Variants in SLC44A3 observed in about 807,000 individuals in gnomAD.
SLC44A3 encodes choline transporter-like protein 3.
A neutral mutation model predicts 75.4 loss-of-function variants in SLC44A3; 74 were observed. The ratio of observed to expected loss-of-function variants is 0.98; its 90% CI spans 0.81 to 1.19. The LOEUF (loss-of-function observed/expected upper bound fraction) is 1.19. Ranked by LOEUF, SLC44A3 falls within the 50% of genes most tolerant of loss-of-function variation. The pLI is 0.00. For missense variants in SLC44A3, 700 were observed against 778.6 expected (o/e 0.90, Z 1.20); for synonymous variants, 310 against 296.9 (o/e 1.04, Z -0.45).
intron 9 of SLC44A3, among the ~76,000 whole-genome samples, chr1:94,852,219 T>A (rs1324504272): frequency 6.6e-6 from 1 of 152,164 alleles, no homozygotes. Context: ...AGTAAGTCAG[T>A]CAATGTTATA....
At chr1:94,827,994 A>C (rs1172157335) in intron 4 of SLC44A3, among the ~76,000 whole-genome samples, 1 of 152,112 alleles carries the variant, frequency 6.6e-6, no homozygotes. Flanking sequence ...ATCCGGTCCT[A>C]GAGATGTACG....
intron 9 of SLC44A3, among the ~76,000 whole-genome samples, chr1:94,850,047 G>A (rs1204711263): frequency 6.6e-6 from 1 of 152,084 alleles, no homozygotes; most frequent in African/African-American, 2.4e-5. Context: ...CCAAATAGTT[G>A]TGTCAGATGG....
chr1:94,827,736 G>GA, intron 4 of SLC44A3, 93 bp downstream of exon 4: 3 of 1,457,956 alleles, frequency 2.1e-6, no homozygotes, highest in Non-Finnish European at 1.9e-6. Flanking sequence ...TGCTTTCTCT[G>GA]GAAAGCTGGA....
At chr1:94,820,772 G>T in intron 1 of SLC44A3, 177 bp from the exon 2 acceptor site, 1 of 1,395,506 alleles carries the variant, frequency 7.2e-7, no homozygotes, top group Non-Finnish European at 9.3e-7. Flanking sequence ...CGCAGAGCAG[G>T]TGTTTCAAAG....
rs1348112295 is a variant in SLC44A3, at chr1:94,820,942, C to T, written c.28-7C>T. On this transcript the variant is annotated splice_polypyrimidine_tract_variant and splice_region_variant and intron_variant, in intron 1 of 14. Coordinates refer to ENST00000271227, the MANE Select transcript of SLC44A3 (RefSeq NM_001114106.3). Reference sequence around the variant, plus strand: ...TTCTTTTTCTCAACTCTCCCTTTTTCTGGAAGGTTTCTGCAGAAGGAGCCC... The same window carrying T: ...TTCTTTTTCTCAACTCTCCCTTTTTTTGGAAGGTTTCTGCAGAAGGAGCCC... The T allele has an allele frequency of 6.5e-7, 1 of 1,546,822 alleles. No individual in the cohort carries two copies. The highest frequency in any genetic ancestry group is 1.2e-5 in the South Asian group (1 of 83,638).
chr1:94,885,735 C>G (rs992200568), intron 12 of SLC44A3, among the ~76,000 whole-genome samples: 8 of 152,194 alleles, frequency 5.3e-5, no homozygotes, highest in Admixed American at 2.6e-4. Flanking sequence ...TCCTTAACTA[C>G]CTCATCGGGT....
At chr1:94,863,069 TTTTTTTTCTGTAGGG>T (rs1204501361) in intron 10 of SLC44A3, among the ~76,000 whole-genome samples, 1 of 151,866 alleles carries the variant, frequency 6.6e-6, no homozygotes, top group Non-Finnish European at 1.5e-5. Flanking sequence ...TTCATTAGCC[TTTTTTTTCTGTAGGG>T]CTGTTTCTAG....
chr1:94,826,700 A>T (rs149845699), intron 3 of SLC44A3, among the ~76,000 whole-genome samples: 133 of 152,200 alleles, frequency 8.7e-4, no homozygotes, highest in African/African-American at 3.2e-3. Context: ...ACAATTTTTA[A>T]ACTTCTTCAA....
chr1:94,826,002 CA>C, intron 3 of SLC44A3: 1 of 448,040 alleles, frequency 2.2e-6, no homozygotes, highest in Admixed American at 2.4e-5. Context: ...AAGTGTCCAT[CA>C]ATGGTTGAAT....
At chr1:94,886,231 G>A (rs1355548978) in intron 12 of SLC44A3, among the ~76,000 whole-genome samples, 1 of 152,164 alleles carries the variant, frequency 6.6e-6, no homozygotes, top group East Asian at 1.9e-4. Flanking sequence ...AGCCTTGGAA[G>A]GTGCAGAGCT....
chr1:94,822,668 A>G (rs2100894974), intron 2 of SLC44A3, among the ~76,000 whole-genome samples: 1 of 152,284 alleles, frequency 6.6e-6, no homozygotes, highest in East Asian at 1.9e-4. Flanking sequence ...TGCATTAAAC[A>G]TAAGGAACAA....
At chr1:94,889,886 T>C (rs1670016277) in intron 12 of SLC44A3, among the ~76,000 whole-genome samples, 1 of 152,094 alleles carries the variant, frequency 6.6e-6, no homozygotes, top group Non-Finnish European at 1.5e-5. Context: ...GTTTCGCTCT[T>C]GTTGCCCAGG....
Position 94,827,520 on chromosome 1 carries a change from A to G in SLC44A3, c.292A>G (p.Met98Val). The change falls in exon 4 of 15, where the codon ATG becomes GTG. Residue 98 changes from methionine to valine, a missense_variant. Physicochemically the swap from Met to Val is conservative, Grantham distance 21. Transcript: ENST00000271227. Reference protein sequence around the residue: ...DMTLKKHVFFMNSCNLEVKGT... With the variant: ...DMTLKKHVFFVNSCNLEVKGT... The stretch of plus-strand genomic sequence containing the variant: ...TCTATTTCCTAGACACGTGTTCTTT[A>G]TGAATTCCTGCAACCTGGAAGTCAA... The G allele has an allele frequency of 6.2e-7, 1 of 1,614,210 alleles. No individual in the cohort carries two copies. Among genetic ancestry groups the G allele is most frequent in the East Asian group, 2.2e-5 (1 of 44,884 alleles).
At position 94,873,829 on chromosome 1, in the gene SLC44A3, G is replaced by A. The variant is rs144145902; in HGVS notation, c.1482+6412G>A. Among the ~76,000 whole-genome samples, 105 of 152,312 alleles carry A rather than the reference G, an allele frequency of 6.9e-4. 1 individual carries two copies. The highest frequency in any genetic ancestry group is 2.5e-3 in the African/African-American group (103 of 41,564). On this transcript the variant is annotated intron_variant, in intron 12 of 14. Coordinates refer to ENST00000271227, the MANE Select transcript of SLC44A3 (RefSeq NM_001114106.3). Reference sequence around the variant, plus strand: ...AGAAAAAAAGTAAAAATATTGTACAGTTTATCTCACTAGATTAGGAAAATG... The same window carrying A: ...AGAAAAAAAGTAAAAATATTGTACAATTTATCTCACTAGATTAGGAAAATG...
At chr1:94,855,343 T>G (rs937923124) in intron 9 of SLC44A3, 1 of 152,250 alleles carries the variant, frequency 6.6e-6, no homozygotes, top group Admixed American at 6.5e-5. Flanking sequence ...AAAAGCATAA[T>G]CTGTCGCTGA....
chr1:94,838,408 C>T (rs1372003531), intron 6 of SLC44A3, among the ~76,000 whole-genome samples: 1 of 152,206 alleles, frequency 6.6e-6, no homozygotes, highest in Non-Finnish European at 1.5e-5. Flanking sequence ...CTGGGCATTT[C>T]TGGAAGCAGC....
Position 94,839,961 on chromosome 1 carries a change from CATG to C in SLC44A3, c.688_690del (p.Met230del). The C allele has an allele frequency of 6.2e-7, 1 of 1,613,942 alleles. No individual in the cohort carries two copies. The highest frequency in any genetic ancestry group is 1.1e-5 in the South Asian group (1 of 91,082). On this transcript the variant is annotated inframe_deletion, in exon 7 of 15. Coordinates refer to ENST00000271227, the MANE Select transcript of SLC44A3 (RefSeq NM_001114106.3). ...TTAATTTTTCAGCCTTGTCTTTGGC[CATG>C]ATGTTTACCTTCAGATTCATCACCA...
chr1:94,837,946 A>G (rs192200428), intron 6 of SLC44A3, 75 bp downstream of exon 6: 46 of 1,280,324 alleles, frequency 3.6e-5, no homozygotes, highest in East Asian at 8.0e-5. Flanking sequence ...ATGTTGTACA[A>G]TGAAAATTAG....
chr1:94,864,523 A>G (rs1666935656), intron 10 of SLC44A3, among the ~76,000 whole-genome samples: 1 of 152,068 alleles, frequency 6.6e-6, no homozygotes, highest in Non-Finnish European at 1.5e-5. Context: ...ATTTTTTTAA[A>G]TTTTTTCTGT....
Sources: allele counts gnomAD v4.1 joint callset (sites outside exome capture counted in the v4.1 genomes callset), GRCh38; gene constraint gnomAD v4.1.1; transcripts MANE v1.5; gene names NCBI Gene and HGNC (gene_info 2026-07-23, HGNC 2026-07-21).